PHF24: variants seen among roughly 807,000 people sequenced by gnomAD.
The protein encoded by PHF24 is Galpha inhibitory interacting protein.
PHF24 carries 25 observed loss-of-function variants against 42.6 expected under a neutral mutation model. That is an observed-to-expected ratio of 0.59 (90% confidence interval 0.43 to 0.82). The LOEUF (loss-of-function observed/expected upper bound fraction) is 0.82, where lower values mean the gene tolerates loss of function less well. Among genes scored for constraint, PHF24 ranks in the 40% least tolerant of loss-of-function variants. PHF24 has a pLI of 0.00. For missense variants in PHF24, 470 were observed against 538.1 expected (o/e 0.87, Z 1.25); for synonymous variants, 185 against 204.8 (o/e 0.90, Z 0.83).
chr9:34,976,240 G>C lies in PHF24; in HGVS notation c.643+10G>C. 2 of 1,611,510 alleles carry C rather than the reference G, an allele frequency of 1.2e-6. No individual in the cohort carries two copies. Among genetic ancestry groups the C allele is most frequent in the Non-Finnish European group, 1.7e-6 (2 of 1,177,642 alleles). On this transcript the variant is annotated intron_variant, in intron 4 of 7. Transcript: ENST00000242315. The stretch of plus-strand genomic sequence containing the variant: ...TGTAAAGTCATCCCTGGTAAGGTTG[G>C]GTGGTGCTGCATGGATGGAGAGGGG...
the PHF24 span, among the ~76,000 whole-genome samples, chr9:34,843,912 G>A: frequency 6.6e-6 from 1 of 152,026 alleles, no homozygotes; most frequent in African/African-American, 2.4e-5. Flanking sequence ...CAGTAGTGAA[G>A]CTATCAGGTC....
chr9:34,854,124 T>C, the PHF24 span, among the ~76,000 whole-genome samples: 1 of 151,930 alleles, frequency 6.6e-6, no homozygotes, highest in Non-Finnish European at 1.5e-5. Flanking sequence ...AGTGGTGATA[T>C]CTCCTTTATC....
At chr9:34,831,163 T>C in the PHF24 span, among the ~76,000 whole-genome samples, 3 of 152,194 alleles carry the variant, frequency 2.0e-5, no homozygotes, top group East Asian at 5.8e-4. Flanking sequence ...TGGGACACAA[T>C]GAAGAGATGT....
At chr9:34,968,578 T>G (rs1293838267) in intron 1 of PHF24, among the ~76,000 whole-genome samples, 1 of 152,208 alleles carries the variant, frequency 6.6e-6, no homozygotes, top group African/African-American at 2.4e-5. Context: ...ATGAATTTCC[T>G]TGGTAGTAGT....
chr9:34,883,338 A>G, the PHF24 span, among the ~76,000 whole-genome samples: 19 of 152,210 alleles, frequency 1.2e-4, no homozygotes, highest in Admixed American at 2.6e-4. Flanking sequence ...CAAAAGCAAT[A>G]GCAACAAAAG....
the PHF24 span, among the ~76,000 whole-genome samples, chr9:34,784,413 C>T: frequency 6.6e-6 from 1 of 152,068 alleles, no homozygotes; most frequent in Admixed American, 6.6e-5. Flanking sequence ...TGTACTATGA[C>T]CTTTTTATCT....
At chr9:34,691,096 G>A in the PHF24 span, 1 of 1,610,226 alleles carries the variant, frequency 6.2e-7, no homozygotes, top group Admixed American at 1.7e-5. Context: ...CTTACCTGGG[G>A]AAGTCCAGAG....
intron 3 of PHF24, among the ~76,000 whole-genome samples, chr9:34,974,978 G>A (rs901469815): frequency 5.9e-5 from 9 of 152,078 alleles, no homozygotes; most frequent in South Asian, 2.1e-4. Context: ...TCATTCTCAT[G>A]TCTCAGTTTA....
At chr9:34,726,562 C>G in the PHF24 span, 41 of 1,551,762 alleles carry the variant, frequency 2.6e-5, no homozygotes, top group East Asian at 1.5e-4. Context: ...CCCTTGGCTT[C>G]TCAATCCTTG....
At chr9:34,674,824 G>C in the PHF24 span, among the ~76,000 whole-genome samples, 1 of 152,212 alleles carries the variant, frequency 6.6e-6, no homozygotes, top group South Asian at 2.1e-4. Flanking sequence ...GGTGGGTAAG[G>C]GTGTCGGCAA....
At chr9:34,892,833 C>T in the PHF24 span, 3 of 690,896 alleles carry the variant, frequency 4.3e-6, no homozygotes, top group Non-Finnish European at 5.3e-6. Flanking sequence ...ACGCTGTCTG[C>T]ACCAGCTGAC....
At chr9:34,895,196 A>G in the PHF24 span, 1 of 397,402 alleles carries the variant, frequency 2.5e-6, no homozygotes, top group Non-Finnish European at 4.4e-6. Context: ...CCAATTTTAT[A>G]TACTCTTCTA....
At chr9:34,699,315 G>C in the PHF24 span, among the ~76,000 whole-genome samples, 51,188 of 152,126 alleles carry the variant, frequency 0.34, 9,119 homozygotes, top group Non-Finnish European at 0.39. Context: ...AGAGACAGCT[G>C]ATTACAGCCC....
At chr9:34,832,404 C>T in the PHF24 span, 16 of 1,167,548 alleles carry the variant, frequency 1.4e-5, no homozygotes, top group Middle Eastern at 1.9e-4. Context: ...GGAGTGTAAC[C>T]GAAGCTTATT....
chr9:34,828,911 T>TTATCTATATCTATATCTATATCTATA, the PHF24 span, among the ~76,000 whole-genome samples: 232 of 143,462 alleles, frequency 1.6e-3, no homozygotes, highest in African/African-American at 5.1e-3. Flanking sequence ...TTGCATGGTT[T>TTATCTATATCTATATCTATATCTATA]TATCTATATC....
chr9:34,869,521 T>C, the PHF24 span, among the ~76,000 whole-genome samples: 2 of 152,206 alleles, frequency 1.3e-5, no homozygotes, highest in African/African-American at 4.8e-5. Flanking sequence ...TTGAGCTTTT[T>C]TTCATGTTTC....
chr9:34,712,490 G>A, the PHF24 span, among the ~76,000 whole-genome samples: 3 of 151,816 alleles, frequency 2.0e-5, no homozygotes, highest in East Asian at 1.9e-4. Context: ...AATTTTAATT[G>A]TCTTATCATC....
chr9:34,850,968 C>T, the PHF24 span, among the ~76,000 whole-genome samples: 1 of 152,168 alleles, frequency 6.6e-6, no homozygotes, highest in South Asian at 2.1e-4. Flanking sequence ...AGTTTTGTCT[C>T]AGAGGAGTAC....
At chr9:34,666,745 A>T in the PHF24 span, among the ~76,000 whole-genome samples, 2 of 152,106 alleles carry the variant, frequency 1.3e-5, no homozygotes, top group South Asian at 2.1e-4. Flanking sequence ...CAGGAGTTCA[A>T]GACCAGCCTG....
Sources: gnomAD v4.1 joint callset for allele counts (sites outside exome capture counted in the v4.1 genomes callset) on GRCh38, gnomAD v4.1.1 for gene constraint, MANE v1.5 for transcripts, NCBI Gene and HGNC (gene_info 2026-07-23, HGNC 2026-07-21) for gene names.